KLF12: variants seen among roughly 807,000 people sequenced by gnomAD.
KLF12 encodes Krueppel-like factor 12.
In KLF12, 9 loss-of-function variants were observed where a neutral mutation model predicts 37.8. That is an observed-to-expected ratio of 0.24 (90% CI 0.14 to 0.42). The LOEUF (loss-of-function observed/expected upper bound fraction) is 0.42. KLF12 is among the 10% of genes least tolerant of loss of function. The pLI is 1.00. For missense variants in KLF12, 411 were observed against 516.0 expected (o/e 0.80, Z 1.97); for synonymous variants, 208 against 202.1 (o/e 1.03, Z -0.25).
In KLF12 at chr13:73,873,593, T is replaced by C. The variant is rs767075363; in HGVS notation, c.124-27220A>G. Among the ~76,000 whole-genome samples, 52 of 152,188 alleles carry C rather than the reference T, an allele frequency of 3.4e-4. 1 individual carries two copies. Among genetic ancestry groups the C allele is most frequent in the Admixed American group, 3.1e-3 (48 of 15,266 alleles). On this transcript the variant is annotated intron_variant, in intron 3 of 7. Transcript: ENST00000377669. ...CCAATTTTATTATTCTTTCTCTGTG[T>C]TTATATTGGTTTTTGTGGATTTTTT... is the stretch of plus-strand genomic sequence containing the variant.
intron 3 of KLF12, among the ~76,000 whole-genome samples, chr13:73,919,297 A>C (rs1438244250): frequency 1.3e-5 from 2 of 152,220 alleles, no homozygotes; most frequent in African/African-American, 4.8e-5. Context: ...TCAATGCCCT[A>C]GAAAATTTGC....
chr13:73,842,888 C>T (rs569915570), intron 4 of KLF12, among the ~76,000 whole-genome samples: 3 of 152,286 alleles, frequency 2.0e-5, no homozygotes, highest in East Asian at 3.9e-4. Flanking sequence ...TTCCTTTATT[C>T]ATTCTGTGAG....
At chr13:74,077,734 A>G (rs192349171) in intron 1 of KLF12, among the ~76,000 whole-genome samples, 1 of 152,294 alleles carries the variant, frequency 6.6e-6, no homozygotes, top group East Asian at 1.9e-4. Flanking sequence ...TGTTGAAATT[A>G]TTTTGGCTTT....
At chr13:74,250,032 C>T in the KLF12 span, among the ~76,000 whole-genome samples, 1 of 152,076 alleles carries the variant, frequency 6.6e-6, no homozygotes, top group African/African-American at 2.4e-5. Context: ...CACATTGAGA[C>T]ATAATTATGA....
chr13:74,216,777 A>G, the KLF12 span, among the ~76,000 whole-genome samples: 1 of 152,090 alleles, frequency 6.6e-6, no homozygotes, highest in Admixed American at 6.5e-5. Flanking sequence ...CCTAATTAAC[A>G]TCCTCTGTAG....
At chr13:74,279,791 T>C in the KLF12 span, among the ~76,000 whole-genome samples, 1 of 152,132 alleles carries the variant, frequency 6.6e-6, no homozygotes, top group African/African-American at 2.4e-5. Context: ...CATTGTCAAG[T>C]GTTGTTAAAC....
intron 1 of KLF12, among the ~76,000 whole-genome samples, chr13:74,022,964 C>T (rs949530729): frequency 6.6e-6 from 1 of 151,926 alleles, no homozygotes; most frequent in Non-Finnish European, 1.5e-5. Context: ...GCATCCCTAA[C>T]CTCTGGTGTT....
intron 1 of KLF12, among the ~76,000 whole-genome samples, chr13:73,997,127 G>A (rs78913914): frequency 0.085 from 12,868 of 152,168 alleles, 829 homozygotes; most frequent in Admixed American, 0.19. Context: ...AGGCTCCCAA[G>A]AGAGTGTTCA....
chr13:73,956,401 A>G (rs9318233), intron 2 of KLF12, among the ~76,000 whole-genome samples: 111,191 of 152,092 alleles, frequency 0.73, 41,360 homozygotes, highest in East Asian at 0.89. Context: ...TCTGCACTAC[A>G]GACATTTACA....
chr13:73,806,415 G>C (rs941876513), intron 5 of KLF12, among the ~76,000 whole-genome samples: 4 of 151,704 alleles, frequency 2.6e-5, no homozygotes, highest in African/African-American at 9.7e-5. Flanking sequence ...TTCTTTTTTT[G>C]AGGAGAGGTC....
At chr13:74,187,002 T>C in the KLF12 span, among the ~76,000 whole-genome samples, 8 of 152,322 alleles carry the variant, frequency 5.3e-5, no homozygotes, top group East Asian at 1.5e-3. Flanking sequence ...TACAAAAATA[T>C]AAAACACAGG....
chr13:73,713,916 TA>T (rs949899281), intron 7 of KLF12, among the ~76,000 whole-genome samples: 1 of 152,170 alleles, frequency 6.6e-6, no homozygotes, highest in African/African-American at 2.4e-5. Flanking sequence ...GTCATTTTTT[TA>T]AAAACAGAAA....
chr13:74,123,589 C>T (rs965158865), intron 1 of KLF12, among the ~76,000 whole-genome samples: 12 of 152,208 alleles, frequency 7.9e-5, no homozygotes, highest in Admixed American at 3.9e-4. Context: ...ATGTCTCTAA[C>T]TGCACACTCT....
At chr13:74,267,800 T>C in the KLF12 span, among the ~76,000 whole-genome samples, 5 of 152,188 alleles carry the variant, frequency 3.3e-5, no homozygotes, top group Non-Finnish European at 5.9e-5. Flanking sequence ...CCTGATTTGA[T>C]TGCTACATAG....
the KLF12 span, among the ~76,000 whole-genome samples, chr13:74,285,725 C>T: frequency 1.0e-3 from 159 of 152,264 alleles, 1 homozygote; most frequent in South Asian, 5.0e-3. Context: ...TGACAACATC[C>T]CTGAGGCTCA....
chr13:74,010,231 C>G (rs1484932715), intron 1 of KLF12, among the ~76,000 whole-genome samples: 1 of 152,136 alleles, frequency 6.6e-6, no homozygotes, highest in Non-Finnish European at 1.5e-5. Flanking sequence ...GCAAGCACCA[C>G]CACGCCCAGA....
At chr13:73,828,057 T>A (rs547983885) in intron 4 of KLF12, among the ~76,000 whole-genome samples, 59 of 152,312 alleles carry the variant, frequency 3.9e-4, no homozygotes, top group African/African-American at 1.3e-3. Context: ...TCTCAGTCAA[T>A]GTATGTCTGA....
At chr13:74,085,190 C>G (rs182810697) in intron 1 of KLF12, among the ~76,000 whole-genome samples, 9 of 152,300 alleles carry the variant, frequency 5.9e-5, no homozygotes, top group Admixed American at 5.2e-4. Flanking sequence ...GTTGCTCAAT[C>G]TTTCAAAACA....
At chr13:73,787,286 C>A (rs1420737296) in intron 5 of KLF12, among the ~76,000 whole-genome samples, 1 of 152,094 alleles carries the variant, frequency 6.6e-6, no homozygotes, top group African/African-American at 2.4e-5. Flanking sequence ...TAAAAACAAC[C>A]CATCTTATGA....
Sources: gnomAD v4.1 joint callset for allele counts (sites outside exome capture counted in the v4.1 genomes callset) on GRCh38, gnomAD v4.1.1 for gene constraint, MANE v1.5 for transcripts, NCBI Gene and HGNC (gene_info 2026-07-23, HGNC 2026-07-21) for gene names.